ATP11A: variants seen among roughly 807,000 people sequenced by gnomAD.
ATP11A encodes phospholipid-transporting ATPase IH.
ATP11A carries 81 observed loss-of-function variants against 154.4 expected under a neutral mutation model. The ratio of observed to expected loss-of-function variants is 0.52; its 90% confidence interval spans 0.44 to 0.63. ATP11A has a LOEUF of 0.63. Ranked by LOEUF, ATP11A falls within the 30% of genes least tolerant of loss-of-function variation. The pLI is 0.00. For synonymous variants in ATP11A, 623 were observed against 585.9 expected (o/e 1.06, Z -0.91); for missense variants, 1,316 against 1,474.3 (o/e 0.89, Z 1.76).
In ATP11A at chr13:112,864,509, C is replaced by T. The variant is rs538950436; in HGVS notation, c.2991+1934C>T. Among the ~76,000 whole-genome samples the T allele has an allele frequency of 5.9e-5, 5 of 84,502 alleles. 1 individual carries two copies. The Admixed American group carries it at 7.1e-4, about 12-fold the overall frequency. 55.4% of individuals were successfully genotyped at this position (84,502 alleles called of 152,430 possible). On this transcript the variant is annotated intron_variant, in intron 25 of 29. Coordinates refer to ENST00000375645, the MANE Select transcript of ATP11A (RefSeq NM_015205.3). ...ACATGCACAGTAATTCAGTGCAGCCCGTGCAGCTTCCCAGCGGGGTCCATC... is the reference window on the plus strand; with the variant it reads ...ACATGCACAGTAATTCAGTGCAGCCTGTGCAGCTTCCCAGCGGGGTCCATC...
intron 1 of ATP11A, among the ~76,000 whole-genome samples, chr13:112,759,066 A>G (rs2076908189): frequency 2.0e-5 from 3 of 152,240 alleles, no homozygotes; most frequent in Admixed American, 6.5e-5. Context: ...CTTCTCTTGT[A>G]AAAACAGCAA....
chr13:112,828,518 G>A (rs2079005199), intron 12 of ATP11A, among the ~76,000 whole-genome samples: 2 of 151,196 alleles, frequency 1.3e-5, no homozygotes, highest in Non-Finnish European at 2.9e-5. Context: ...TGAGTGTGGG[G>A]AAAGCGCCCA....
intron 1 of ATP11A, among the ~76,000 whole-genome samples, chr13:112,770,511 C>T (rs573456023): frequency 2.1e-4 from 32 of 152,344 alleles, no homozygotes; most frequent in Middle Eastern, 6.8e-3. Context: ...GCCAGTGGCT[C>T]GGACCAAGGA....
At chr13:112,720,260 G>A (rs1351673553) in intron 1 of ATP11A, among the ~76,000 whole-genome samples, 1 of 152,238 alleles carries the variant, frequency 6.6e-6, no homozygotes, top group Non-Finnish European at 1.5e-5. Context: ...GTATACATTG[G>A]TTTAGCCCAG....
At chr13:112,812,636 A>T (rs2078533251) in intron 5 of ATP11A, among the ~76,000 whole-genome samples, 1 of 151,140 alleles carries the variant, frequency 6.6e-6, no homozygotes, top group African/African-American at 2.4e-5. Context: ...TCAACCACTA[A>T]CCCCCCACCG....
intron 1 of ATP11A, among the ~76,000 whole-genome samples, chr13:112,761,427 T>C (rs2076959711): frequency 6.6e-6 from 1 of 152,224 alleles, no homozygotes; most frequent in African/African-American, 2.4e-5. Context: ...AATTGTTCTA[T>C]TTTATTATTA....
intron 27 of ATP11A, among the ~76,000 whole-genome samples, chr13:112,874,033 A>G (rs1000011278): frequency 6.6e-6 from 1 of 152,242 alleles, no homozygotes; most frequent in Non-Finnish European, 1.5e-5. Context: ...GAAGAGCGCC[A>G]TCATCACAGC....
At chr13:112,852,984 G>A (rs938270692) in intron 18 of ATP11A, among the ~76,000 whole-genome samples, 1 of 152,196 alleles carries the variant, frequency 6.6e-6, no homozygotes, top group Non-Finnish European at 1.5e-5. Flanking sequence ...AATTTGGGAG[G>A]CTGATGCAGG....
chr13:112,847,117 C>T (rs2079632231), intron 17 of ATP11A, among the ~76,000 whole-genome samples: 1 of 152,236 alleles, frequency 6.6e-6, no homozygotes, highest in Non-Finnish European at 1.5e-5. Context: ...CTACGTTCCC[C>T]TGCCCGAGCC....
At chr13:112,699,044 A>G (rs945204569) in intron 1 of ATP11A, among the ~76,000 whole-genome samples, 2 of 152,208 alleles carry the variant, frequency 1.3e-5, no homozygotes, top group Non-Finnish European at 2.9e-5. Context: ...CCAATCCTTT[A>G]AATCTTCTCC....
At chr13:112,812,725 A>T (rs562333320) in intron 5 of ATP11A, among the ~76,000 whole-genome samples, 1 of 152,280 alleles carries the variant, frequency 6.6e-6, no homozygotes, top group South Asian at 2.1e-4. Context: ...TTCACTTATA[A>T]ACGTGCTATC....
chr13:112,844,825 GGT>G (rs67950910), intron 17 of ATP11A, among the ~76,000 whole-genome samples: 1 of 66,164 alleles, frequency 1.5e-5, no homozygotes, highest in African/African-American at 1.1e-4. Flanking sequence ...CCAGTTGCCG[GGT>G]GTTAGTGGTA....
At chr13:112,802,596 A>G (rs1000843873) in intron 2 of ATP11A, among the ~76,000 whole-genome samples, 1 of 150,390 alleles carries the variant, frequency 6.6e-6, no homozygotes, top group Admixed American at 6.6e-5. Context: ...GACTCTAGAC[A>G]GTGATCACAC....
intron 25 of ATP11A, among the ~76,000 whole-genome samples, chr13:112,870,886 G>A (rs869372): frequency 0.33 from 50,423 of 152,146 alleles, 8,985 homozygotes; most frequent in East Asian, 0.45. Flanking sequence ...GTAGAGAGGC[G>A]TGCTGTCCTC....
At position 112,821,098 on chromosome 13, in the gene ATP11A, G is replaced by T. The variant is rs137877796; in HGVS notation, c.725+1148G>T. Among the ~76,000 whole-genome samples, 117 of 152,266 alleles carry T rather than the reference G, an allele frequency of 7.7e-4. 3 individuals carry two copies. In the East Asian group the frequency reaches 0.017, roughly 22 times the overall value. On this transcript the variant is annotated intron_variant, in intron 8 of 29. Coordinates refer to ENST00000375645, the MANE Select transcript of ATP11A (RefSeq NM_015205.3). ...AAGGTAAATTCCTCCTTACTTTGGA[G>T]AAATCTCTTGTATTTCTGTGTGCCG... is the stretch of plus-strand genomic sequence containing the variant.
At position 112,826,847 on chromosome 13, in the gene ATP11A, G is replaced by A; in HGVS notation, c.1177G>A (p.Gly393Arg). Reference sequence around the variant, plus strand: ...CATGTTTGACGAGGAGACTGGCGAGGGGCCTCTGGTGAACACGTCGGACCT... The same window carrying A: ...CATGTTTGACGAGGAGACTGGCGAGAGGCCTCTGGTGAACACGTCGGACCT... The part of the protein sequence containing the change: ...EDMFDEETGE[G>R]PLVNTSDLNE... Residue 393 changes from glycine to arginine, a missense_variant, in exon 12 of 30, where the codon GGG becomes AGG. Gly to Arg is a moderately radical substitution (Grantham distance 125, BLOSUM62 -2). Around this residue, in one of 5 missense-constraint regions of ATP11A, gnomAD observed 876 missense variants for 1,006.8 expected, o/e 0.87. Coordinates refer to ENST00000375645, the MANE Select transcript of ATP11A (RefSeq NM_015205.3). 6.2e-7 allele frequency: 1 copy of A among 1,614,164 alleles called. No individual in the cohort carries two copies. Among genetic ancestry groups the A allele is most frequent in the Non-Finnish European group, 8.5e-7 (1 of 1,180,036 alleles).
intron 1 of ATP11A, among the ~76,000 whole-genome samples, chr13:112,743,474 T>C (rs900307168): frequency 6.6e-5 from 10 of 151,944 alleles, no homozygotes; most frequent in African/African-American, 2.4e-4. Flanking sequence ...TGTGATAACC[T>C]GTGCAGATGT....
Position 112,859,557 on chromosome 13 carries a change from C to A in ATP11A, c.2727+105C>A. On this transcript the variant is annotated intron_variant, in intron 23 of 29. Transcript: ENST00000375645. This position sits in a 1 kb window ranked among gnomAD's most constrained non-coding sequence, Gnocchi z 4.3. ...AGACTTGGGAATGAGCAGCACTCCCCGGCACCACGAGGGAGCCAGGGTGCC... is the reference window on the plus strand; with the variant it reads ...AGACTTGGGAATGAGCAGCACTCCCAGGCACCACGAGGGAGCCAGGGTGCC... 1.0e-6 allele frequency: 1 copy of A among 988,956 alleles called. No individual in the cohort carries two copies. The allele number at this position is 988,956 out of a possible 1,614,324, so 61.3% of individuals were successfully genotyped here.
At chr13:112,835,544 C>T (rs1472348415) in intron 15 of ATP11A, among the ~76,000 whole-genome samples, 1 of 152,168 alleles carries the variant, frequency 6.6e-6, no homozygotes, top group Middle Eastern at 3.2e-3. Flanking sequence ...GTAGTGAGGT[C>T]GTGGCCTAGA....
Sources: gnomAD v4.1 joint callset for allele counts (sites outside exome capture counted in the v4.1 genomes callset) on GRCh38, gnomAD v4.1.1 for gene constraint, gnomAD v4.1.1 regional missense constraint, Gnocchi (gnomAD v3.1) non-coding constraint, MANE v1.5 for transcripts, NCBI Gene and HGNC (gene_info 2026-07-23, HGNC 2026-07-21) for gene names.